Variants in CSE1L observed in about 807,000 individuals in gnomAD.
CSE1L encodes the protein chromosome segregation 1 like, also known as exportin-2.
A neutral mutation model predicts 120.4 loss-of-function variants in CSE1L; 24 were observed. The observed-to-expected ratio is 0.20, with a 90% confidence interval of 0.14 to 0.28. The LOEUF is 0.28. CSE1L is among the 10% of genes least tolerant of loss of function. The pLI, the probability that CSE1L is intolerant of heterozygous loss-of-function variation, is 1.00. For missense variants in CSE1L, 830 were observed against 1,145.2 expected (o/e 0.72, Z 3.97); for synonymous variants, 402 against 398.3 (o/e 1.01, Z -0.11).
intron 1 of CSE1L, among the ~76,000 whole-genome samples, chr20:49,046,868 C>G (rs1440594838): frequency 6.6e-6 from 1 of 152,228 alleles, no homozygotes; most frequent in Non-Finnish European, 1.5e-5. Context: ...GAGGCCTGCC[C>G]GGGCGGGGAC....
chr20:49,092,735 G>A (rs1421800694), intron 22 of CSE1L, among the ~76,000 whole-genome samples: 2 of 151,870 alleles, frequency 1.3e-5, no homozygotes, highest in African/African-American at 2.4e-5. Flanking sequence ...GTTAATGGGT[G>A]CAGTAAACCA....
intron 2 of CSE1L, among the ~76,000 whole-genome samples, chr20:49,059,353 T>C (rs2091834302): frequency 1.3e-5 from 2 of 152,110 alleles, no homozygotes; most frequent in African/African-American, 4.8e-5. Context: ...AATTAAAATA[T>C]TGAACTCAGG....
intron 1 of CSE1L, among the ~76,000 whole-genome samples, chr20:49,052,604 G>T (rs1219509192): frequency 2.0e-5 from 3 of 152,148 alleles, no homozygotes; most frequent in Non-Finnish European, 4.4e-5. Flanking sequence ...CCCTGCTGTG[G>T]TAAGGGATTT....
chr20:49,056,118 T>A (rs2091804622), intron 1 of CSE1L, among the ~76,000 whole-genome samples: 1 of 152,136 alleles, frequency 6.6e-6, no homozygotes. Context: ...ATCGCTTTTT[T>A]TTTTTTTGGA....
intron 9 of CSE1L, 21 bp from the exon 10 acceptor site, chr20:49,072,547 T>C (rs1157682216): frequency 6.2e-7 from 1 of 1,603,912 alleles, no homozygotes; most frequent in Non-Finnish European, 8.5e-7. Context: ...AAAATATTCT[T>C]GTTTTTGTGT....
chr20:49,082,536 C>T (rs527925186), intron 14 of CSE1L, among the ~76,000 whole-genome samples: 8 of 152,188 alleles, frequency 5.3e-5, no homozygotes, highest in Non-Finnish European at 7.4e-5. Context: ...ACGGAGTCTT[C>T]GCTCTGTCGC....
chr20:49,061,301 T>C (rs2091850990), intron 2 of CSE1L, among the ~76,000 whole-genome samples: 1 of 146,180 alleles, frequency 6.8e-6, no homozygotes, highest in Non-Finnish European at 1.5e-5. Context: ...GCCTCCTGAG[T>C]AGCTGGGACT....
intron 1 of CSE1L, among the ~76,000 whole-genome samples, chr20:49,050,669 C>T (rs1203229759): frequency 4.0e-5 from 6 of 151,450 alleles, no homozygotes; most frequent in Admixed American, 2.0e-4. Flanking sequence ...CTTCGGCCTC[C>T]CAAAGTGCTG....
chr20:49,093,664 C>G (rs1600553499), intron 22 of CSE1L, among the ~76,000 whole-genome samples: 1 of 148,822 alleles, frequency 6.7e-6, no homozygotes, highest in Admixed American at 6.8e-5. Flanking sequence ...CGCCTGTAAT[C>G]CTAGCACTTT....
chr20:49,088,421 G>A (rs558480306), intron 17 of CSE1L, among the ~76,000 whole-genome samples: 1 of 152,224 alleles, frequency 6.6e-6, no homozygotes, highest in South Asian at 2.1e-4. Context: ...TGCACTAAAT[G>A]GATATAAAAG....
At chr20:49,089,850 G>A in intron 19 of CSE1L, 104 bp downstream of exon 19, 2 of 1,104,192 alleles carry the variant, frequency 1.8e-6, no homozygotes, top group Non-Finnish European at 2.6e-6. Context: ...TTAAGGCTGG[G>A]GGCAGTGGCT....
intron 14 of CSE1L, 142 bp downstream of exon 14, chr20:49,078,764 A>G (rs2091988383): frequency 1.9e-6 from 1 of 538,048 alleles, no homozygotes; most frequent in Non-Finnish European, 3.1e-6. Flanking sequence ...AGAATTTTAG[A>G]CCATGCTTAA....
chr20:49,046,566 G>C (rs2091712041), intron 1 of CSE1L, 143 bp downstream of exon 1: 1 of 152,494 alleles, frequency 6.6e-6, no homozygotes, highest in Admixed American at 6.5e-5. Context: ...CCGGGGTTCG[G>C]GTGGTGCGCT....
At chr20:49,067,623 ATTAATTATATATTTATAC>A (rs1172886300) in intron 6 of CSE1L, among the ~76,000 whole-genome samples, 4 of 152,210 alleles carry the variant, frequency 2.6e-5, no homozygotes, top group Admixed American at 6.5e-5. Context: ...TTGGAGTTTA[ATTAATTATATATTTATAC>A]ATTATTTTAC....
At chr20:49,059,836 C>T (rs866484544) in intron 2 of CSE1L, among the ~76,000 whole-genome samples, 3 of 151,604 alleles carry the variant, frequency 2.0e-5, no homozygotes, top group Admixed American at 6.6e-5. Flanking sequence ...GTTGAGATTG[C>T]GCCACTGCAC....
intron 22 of CSE1L, among the ~76,000 whole-genome samples, chr20:49,093,936 A>G (rs1469883680): frequency 1.3e-5 from 2 of 152,168 alleles, no homozygotes; most frequent in East Asian, 1.9e-4. Flanking sequence ...AAAGAAAAGA[A>G]AAAGATTATG....
rs2091897591 is a variant in CSE1L at position 49,067,031 on chromosome 20, C to CAGAAA, written c.477-158_477-157insGAAAA. Among the ~76,000 whole-genome samples, 5 of 100,802 alleles carry CAGAAA rather than the reference C, an allele frequency of 5.0e-5. No individual in the cohort carries two copies. In the Admixed American group the frequency reaches 5.3e-4, roughly 11 times the overall value. 66.1% of individuals were successfully genotyped at this position (100,802 alleles called of 152,430 possible). On this transcript the variant is annotated intron_variant, in intron 5 of 24. Coordinates refer to ENST00000262982, the MANE Select transcript of CSE1L (RefSeq NM_001316.4). The stretch of plus-strand genomic sequence containing the variant: ...TGGGCGACAGAGCGAGACTCCGTCT[C>CAGAAA]AAAAAAAAAAAAAAAAAAAAAAAAA...
chr20:49,082,443 C>T (rs1347561921), intron 14 of CSE1L, among the ~76,000 whole-genome samples: 1 of 151,926 alleles, frequency 6.6e-6, no homozygotes, highest in African/African-American at 2.4e-5. Context: ...CACGCCTGGC[C>T]TAGGTTTTAA....
chr20:49,076,572 C>T (rs1246947647), intron 12 of CSE1L, among the ~76,000 whole-genome samples: 1 of 134,986 alleles, frequency 7.4e-6, no homozygotes, highest in African/African-American at 2.8e-5. Flanking sequence ...CTCTGTCATC[C>T]AGGCTGGAAT....
Sources: gnomAD v4.1 joint callset for allele counts (sites outside exome capture counted in the v4.1 genomes callset) on GRCh38, gnomAD v4.1.1 for gene constraint, MANE v1.5 for transcripts, NCBI Gene and HGNC (gene_info 2026-07-23, HGNC 2026-07-21) for gene names.